RIN3: variants seen among roughly 807,000 people sequenced by gnomAD.
RIN3 encodes RAB5 interacting protein 3.
Under a neutral mutation model 76.3 loss-of-function variants are expected in RIN3, and 54 were observed. The ratio of observed to expected loss-of-function variants is 0.71; its 90% confidence interval spans 0.57 to 0.89. The LOEUF is 0.89. Among genes scored for constraint, RIN3 ranks in the 40% least tolerant of loss-of-function variants. The pLI, the probability that RIN3 is intolerant of heterozygous loss-of-function variation, is 0.00. For missense variants in RIN3, 1,256 were observed against 1,322.1 expected, an observed-to-expected ratio of 0.95 and a Z score of 0.78; for synonymous variants, 576 against 564.0, an observed-to-expected ratio of 1.02 and a Z score of -0.30.
At chr14:92,604,909 CTTTTTTTTTTTT>C (rs148326639) in intron 3 of RIN3, among the ~76,000 whole-genome samples, 38 of 90,062 alleles carry the variant, frequency 4.2e-4, no homozygotes, top group Non-Finnish European at 5.0e-4. Flanking sequence ...CCATTTTCCT[CTTTTTTTTTTTT>C]TTTTTTTTTT....
rs376027526 is a variant in RIN3 at position 92,659,212 on chromosome 14, A to G, written c.2078A>G (p.Glu693Gly). Residue 693 changes from glutamate (E) to glycine (G), a missense_variant, in exon 7 of 10, where the codon GAA becomes GGA. By Grantham distance (98) the Glu-to-Gly change is moderately conservative. Around this residue, in one of 3 missense-constraint regions of RIN3, gnomAD observed 428 missense variants for 521.2 expected, o/e 0.82. Transcript: ENST00000216487. ...AAATGTGTCCTGAAGCCCCTGAAGG[A>G]AGCCATCAACTCATGCCTGCATCAG... is the stretch of plus-strand genomic sequence containing the variant. ...LYKCVLKPLKEAINSCLHQIH... is the reference protein window; with the variant it reads ...LYKCVLKPLKGAINSCLHQIH... The G allele has an allele frequency of 5.6e-6, 9 of 1,614,188 alleles. No individual in the cohort carries two copies. Among genetic ancestry groups the G allele is most frequent in the Non-Finnish European group, 6.8e-6 (8 of 1,180,014 alleles).
At chr14:92,614,800 TA>T (rs201391519) in intron 3 of RIN3, among the ~76,000 whole-genome samples, 25,778 of 116,152 alleles carry the variant, frequency 0.22, 3,091 homozygotes, top group African/African-American at 0.36. Flanking sequence ...TAAACCTCTT[TA>T]TATATATATA....
At chr14:92,668,664 C>T (rs2140161026) in intron 7 of RIN3, among the ~76,000 whole-genome samples, 1 of 152,322 alleles carries the variant, frequency 6.6e-6, no homozygotes, top group Admixed American at 6.5e-5. Context: ...GCCGAGGCTT[C>T]AGTTCTTTCA....
In RIN3 at chr14:92,643,199, G is replaced by A. The variant is rs79245141; in HGVS notation, c.532+1870G>A. Among the ~76,000 whole-genome samples the A allele has an allele frequency of 2.0e-5, 3 of 151,974 alleles. No homozygotes were observed. Among genetic ancestry groups the A allele is most frequent in the Non-Finnish European group, 2.9e-5 (2 of 67,982 alleles). On this transcript the variant is annotated intron_variant, in intron 5 of 9. Transcript: ENST00000216487. The surrounding 1 kb of genome is among the most constrained non-coding windows in gnomAD (Gnocchi z 4.8). ...CTCCCGAGTAGCTGGGACTACAGGC[G>A]CATGCCACCACACCTGGCTAATTTT...
chr14:92,582,401 C>T lies in RIN3; in HGVS notation c.367+4924C>T, dbSNP rs116228613. Among the ~76,000 whole-genome samples the T allele has an allele frequency of 4.8e-3, 728 of 151,122 alleles. 5 individuals carry two copies. The highest frequency in any genetic ancestry group is 0.017 in the African/African-American group (696 of 41,154). ...TCACTATAAATACACAGGTGTCATC[C>T]GTAAGTTTGTGTGTGTGTGGTTTTG... On this transcript the variant is annotated intron_variant, in intron 3 of 9. Coordinates refer to ENST00000216487, the MANE Select transcript of RIN3 (RefSeq NM_024832.5).
intron 3 of RIN3, among the ~76,000 whole-genome samples, chr14:92,583,260 C>T (rs1030378660): frequency 2.6e-5 from 4 of 152,212 alleles, no homozygotes; most frequent in African/African-American, 4.8e-5. Context: ...GGGGATACCC[C>T]AAAAGGGGTA....
At chr14:92,651,226 T>G (rs1329322190) in intron 5 of RIN3, among the ~76,000 whole-genome samples, 4 of 152,044 alleles carry the variant, frequency 2.6e-5, no homozygotes, top group Non-Finnish European at 5.9e-5. Context: ...GCTCTCACCA[T>G]GCCTTCCCCA....
chr14:92,598,825 A>G (rs1885242091), intron 3 of RIN3, among the ~76,000 whole-genome samples: 1 of 152,222 alleles, frequency 6.6e-6, no homozygotes, highest in Admixed American at 6.5e-5. Flanking sequence ...GGACAGATTT[A>G]TATTAAAATG....
At chr14:92,606,629 G>A (rs1885534910) in intron 3 of RIN3, among the ~76,000 whole-genome samples, 1 of 152,082 alleles carries the variant, frequency 6.6e-6, no homozygotes, top group African/African-American at 2.4e-5. Flanking sequence ...AAGAATATAT[G>A]GAAATAACCA....
intron 6 of RIN3, among the ~76,000 whole-genome samples, chr14:92,658,690 G>A (rs1887763151): frequency 6.6e-6 from 1 of 152,168 alleles, no homozygotes; most frequent in African/African-American, 2.4e-5. Context: ...AAAAAGTAAG[G>A]TTCTGGATGT....
chr14:92,519,041 T>C (rs1047745967), intron 1 of RIN3, among the ~76,000 whole-genome samples: 2 of 152,130 alleles, frequency 1.3e-5, no homozygotes, highest in Non-Finnish European at 2.9e-5. Flanking sequence ...AAGAGCTCCA[T>C]GTTCTCAAGG....
At chr14:92,530,232 A>G (rs1896849536) in intron 1 of RIN3, among the ~76,000 whole-genome samples, 1 of 152,214 alleles carries the variant, frequency 6.6e-6, no homozygotes, top group Non-Finnish European at 1.5e-5. Context: ...CTGAAAATGC[A>G]CAAATCCTTG....
chr14:92,582,602 G>A lies in RIN3; in HGVS notation c.367+5125G>A, dbSNP rs550150461. On this transcript the variant is annotated intron_variant, in intron 3 of 9. Transcript: ENST00000216487. ...TGAGTAGCTGGGACTACAGGCATGCGCCATCACGTCCGGCTAATTTTTGTG... is the reference window on the plus strand; with the variant it reads ...TGAGTAGCTGGGACTACAGGCATGCACCATCACGTCCGGCTAATTTTTGTG... Among the ~76,000 whole-genome samples, 19 of 152,128 alleles carry A rather than the reference G, an allele frequency of 1.2e-4. No homozygotes were observed. In the East Asian group the frequency reaches 1.7e-3, roughly 14 times the overall value.
chr14:92,642,732 C>T (rs1887061966), intron 5 of RIN3, among the ~76,000 whole-genome samples: 1 of 152,154 alleles, frequency 6.6e-6, no homozygotes, highest in Non-Finnish European at 1.5e-5. Context: ...GTTCACCACT[C>T]AGAGGGGCCC....
At chr14:92,614,117 C>T (rs765629815) in intron 3 of RIN3, among the ~76,000 whole-genome samples, 2 of 152,236 alleles carry the variant, frequency 1.3e-5, no homozygotes, top group Non-Finnish European at 2.9e-5. Flanking sequence ...GCACCCTGCC[C>T]CTCCGAGGAG....
intron 1 of RIN3, among the ~76,000 whole-genome samples, chr14:92,528,773 G>A (rs557631713): frequency 2.0e-5 from 3 of 152,298 alleles, no homozygotes; most frequent in African/African-American, 7.2e-5. Flanking sequence ...TAGGCACTTC[G>A]CAGCAGGCAT....
rs956323613 is a variant in RIN3, at chr14:92,518,263, A to G, written c.44+4287A>G. On this transcript the variant is annotated intron_variant, in intron 1 of 9. Transcript: ENST00000216487. ...TTACAAACTTCCAAAGAAAGGGGTCAGGTCTTTTAGTTCCATATCCTTGTG... is the reference window on the plus strand; with the variant it reads ...TTACAAACTTCCAAAGAAAGGGGTCGGGTCTTTTAGTTCCATATCCTTGTG... Among the ~76,000 whole-genome samples the G allele has an allele frequency of 2.0e-5, 3 of 152,278 alleles. No homozygotes were observed. In the South Asian group the frequency reaches 6.2e-4, roughly 31 times the overall value.
At chr14:92,617,250 A>G (rs1886004476) in intron 4 of RIN3, among the ~76,000 whole-genome samples, 1 of 152,196 alleles carries the variant, frequency 6.6e-6, no homozygotes, top group Admixed American at 6.5e-5. Context: ...CAGTGAACCA[A>G]GATCGTACCA....
intron 1 of RIN3, among the ~76,000 whole-genome samples, chr14:92,554,079 G>T (rs977918812): frequency 6.6e-6 from 1 of 152,204 alleles, no homozygotes; most frequent in Admixed American, 6.5e-5. Flanking sequence ...AAGATGGAAG[G>T]CACCATCCAC....
Sources: gnomAD v4.1 joint callset for allele counts (sites outside exome capture counted in the v4.1 genomes callset) on GRCh38, gnomAD v4.1.1 for gene constraint, gnomAD v4.1.1 regional missense constraint, Gnocchi (gnomAD v3.1) non-coding constraint, MANE v1.5 for transcripts, NCBI Gene and HGNC (gene_info 2026-07-23, HGNC 2026-07-21) for gene names.